Variants in REEP1 observed in about 807,000 individuals in gnomAD.
REEP1 encodes the protein receptor expression-enhancing protein 1.
Under a neutral mutation model 40.3 loss-of-function variants are expected in REEP1, and 22 were observed. The observed-to-expected ratio is 0.55, with a 90% confidence interval of 0.39 to 0.78. The LOEUF is 0.78. Among genes scored for constraint, REEP1 ranks in the 30% least tolerant of loss-of-function variants. The pLI, the probability that REEP1 is intolerant of heterozygous loss-of-function variation, is 0.00. For missense variants in REEP1, 280 were observed against 361.1 expected (o/e 0.78, Z 1.82); for synonymous variants, 116 against 139.2 (o/e 0.83, Z 1.17).
intron 8 of REEP1, among the ~76,000 whole-genome samples, chr2:86,218,342 C>T (rs910877912): frequency 2.0e-5 from 3 of 152,174 alleles, no homozygotes; most frequent in African/African-American, 7.2e-5. Context: ...GAGGGCAGGC[C>T]CATGTCGCAT....
At chr2:86,283,672 A>G (rs1678223723) in intron 1 of REEP1, among the ~76,000 whole-genome samples, 1 of 152,236 alleles carries the variant, frequency 6.6e-6, no homozygotes, top group African/African-American at 2.4e-5. Flanking sequence ...TGGCACTGAA[A>G]GGGAGAGGGC....
rs1438454461 is a variant in REEP1 at position 86,297,629 on chromosome 2, GATTC to G, written c.33-15391_33-15388del. Reference sequence around the variant, plus strand: ...AAGAACAGCCACTACCTGCAAGAGAGATTCTCCCCGGGGGTTGGAGGGAGGAAGA... The same window carrying G: ...AAGAACAGCCACTACCTGCAAGAGAGTCCCCGGGGGTTGGAGGGAGGAAGA... On this transcript the variant is annotated intron_variant, in intron 1 of 8. Coordinates refer to ENST00000538924, the MANE Select transcript of REEP1 (RefSeq NM_001371279.1). 6.9e-6 allele frequency: 6 copies of G among 871,698 alleles called. No homozygotes were observed. The East Asian group carries it at 7.3e-4, about 105-fold the overall frequency. 54.0% of individuals were successfully genotyped at this position (871,698 alleles called of 1,614,324 possible).
chr2:86,250,311 GT>G (rs1211109841), intron 5 of REEP1, among the ~76,000 whole-genome samples: 1 of 152,224 alleles, frequency 6.6e-6, no homozygotes, highest in Admixed American at 6.5e-5. Context: ...GCAGCAGCCT[GT>G]TTTCCTCAGG....
intron 5 of REEP1, among the ~76,000 whole-genome samples, chr2:86,240,225 C>A (rs755810624): frequency 6.6e-6 from 1 of 152,200 alleles, no homozygotes; most frequent in Non-Finnish European, 1.5e-5. Flanking sequence ...GGAGTGTTCA[C>A]GAAGCTCTGC....
At chr2:86,237,295 C>A (rs562215280) in intron 5 of REEP1, among the ~76,000 whole-genome samples, 2 of 152,252 alleles carry the variant, frequency 1.3e-5, no homozygotes, top group South Asian at 4.1e-4. Context: ...GTGGCAGCAT[C>A]AAAACTGGCA....
intron 1 of REEP1, among the ~76,000 whole-genome samples, chr2:86,336,237 AG>A (rs1171660562): frequency 6.6e-6 from 1 of 152,214 alleles, no homozygotes; most frequent in Non-Finnish European, 1.5e-5. Flanking sequence ...CCCCGCAGTC[AG>A]GAACAGCTGT....
At chr2:86,260,800 T>G (rs917260401) in intron 3 of REEP1, among the ~76,000 whole-genome samples, 1 of 152,196 alleles carries the variant, frequency 6.6e-6, no homozygotes, top group Non-Finnish European at 1.5e-5. Context: ...GGCCCACACC[T>G]TGATTCTGGT....
intron 1 of REEP1, among the ~76,000 whole-genome samples, chr2:86,299,601 A>G (rs1573008581): frequency 6.6e-6 from 1 of 152,208 alleles, no homozygotes; most frequent in Non-Finnish European, 1.5e-5. Context: ...ATGTGGTTAT[A>G]TCATACCTTC....
At position 86,214,414 on chromosome 2, in the gene REEP1, T is replaced by C. The variant is rs906438551; in HGVS notation, c.*2625A>G. On this transcript the variant is annotated 3_prime_UTR_variant, in exon 9 of 9. Coordinates refer to ENST00000538924, the MANE Select transcript of REEP1 (RefSeq NM_001371279.1). ...GAGGGATTATGACTAAACTCTCCAG[T>C]TTATAAGCACAAGTCCACATCTCAC... The C allele has an allele frequency of 6.5e-6, 1 of 152,674 alleles. No individual in the cohort carries two copies. The highest frequency in any genetic ancestry group is 1.5e-5 in the Non-Finnish European group (1 of 68,052). 9.5% of individuals were successfully genotyped at this position (152,674 alleles called of 1,614,324 possible). A position where few individuals can be genotyped will look rare whatever the true frequency, so the allele number is the denominator to read the frequency against.
intron 3 of REEP1, among the ~76,000 whole-genome samples, chr2:86,256,815 T>A (rs1357185730): frequency 6.6e-6 from 1 of 152,204 alleles, no homozygotes; most frequent in East Asian, 1.9e-4. Context: ...AACCTGATGC[T>A]ATGAGATGAG....
At chr2:86,318,707 A>G (rs1680147975) in intron 1 of REEP1, among the ~76,000 whole-genome samples, 1 of 151,982 alleles carries the variant, frequency 6.6e-6, no homozygotes, top group African/African-American at 2.4e-5. Context: ...CGAGACCAAC[A>G]AGTTTGAGAA....
intron 1 of REEP1, among the ~76,000 whole-genome samples, chr2:86,320,344 A>G (rs1435947232): frequency 1.3e-5 from 2 of 152,226 alleles, no homozygotes; most frequent in East Asian, 3.8e-4. Context: ...CAATATTGGT[A>G]GTGTCCCTAG....
chr2:86,293,719 T>C (rs773252217), intron 1 of REEP1, among the ~76,000 whole-genome samples: 1 of 152,254 alleles, frequency 6.6e-6, no homozygotes, highest in Non-Finnish European at 1.5e-5. Context: ...TTTATAGTCC[T>C]ATGACACCAT....
chr2:86,252,116 A>G, intron 4 of REEP1, 46 bp from the exon 5 acceptor site: 3 of 1,304,106 alleles, frequency 2.3e-6, no homozygotes, highest in Non-Finnish European at 3.3e-6. Flanking sequence ...AGGTTCAAAC[A>G]CATCTCTGTT....
At chr2:86,287,204 C>T (rs1258845705) in intron 1 of REEP1, among the ~76,000 whole-genome samples, 3 of 152,102 alleles carry the variant, frequency 2.0e-5, no homozygotes, top group East Asian at 1.9e-4. Context: ...TTCTCCTGCT[C>T]GGCCTCCTGA....
chr2:86,283,001 C>T (rs1489447169), intron 1 of REEP1, among the ~76,000 whole-genome samples: 4 of 152,142 alleles, frequency 2.6e-5, no homozygotes, highest in African/African-American at 7.2e-5. Context: ...CTTCTGGAGT[C>T]TTCCTTCCCC....
chr2:86,302,971 A>G (rs1456077683), intron 1 of REEP1, among the ~76,000 whole-genome samples: 1 of 152,182 alleles, frequency 6.6e-6, no homozygotes, highest in Non-Finnish European at 1.5e-5. Context: ...AAGTGTAGCT[A>G]CGGTCCACTC....
Position 86,264,032 on chromosome 2 carries a change from T to C in REEP1, c.115A>G (p.Met39Val). 1.2e-6 allele frequency: 2 copies of C among 1,613,082 alleles called. No individual in the cohort carries two copies. The change falls in exon 3 of 9, where the codon ATG becomes GTG. Residue 39 changes from methionine (M) to valine (V), a missense_variant. Physicochemically the swap from Met to Val is conservative, Grantham distance 21. Coordinates refer to ENST00000538924, the MANE Select transcript of REEP1 (RefSeq NM_001371279.1). ...AGTGCAAATATAATCCAGTACATCA[T>C]CCATTTGACCTGTTGAAACAGAAAG... ...SKDIKEYVKWMMYWIIFALFT... is the reference protein window; with the variant it reads ...SKDIKEYVKWVMYWIIFALFT...
intron 6 of REEP1, among the ~76,000 whole-genome samples, chr2:86,229,736 A>C (rs1674909326): frequency 6.7e-6 from 1 of 149,986 alleles, no homozygotes; most frequent in African/African-American, 2.5e-5. Flanking sequence ...CAGCTACTCC[A>C]TGAGTAGCTG....
Sources: allele counts gnomAD v4.1 joint callset (sites outside exome capture counted in the v4.1 genomes callset), GRCh38; gene constraint gnomAD v4.1.1; transcripts MANE v1.5; gene names NCBI Gene and HGNC (gene_info 2026-07-23, HGNC 2026-07-21).